LIG3: variants seen among roughly 807,000 people sequenced by gnomAD.
The protein encoded by LIG3 is ligase II, DNA, ATP-dependent.
A neutral mutation model predicts 110.9 loss-of-function variants in LIG3; 58 were observed. The observed-to-expected ratio is 0.52, with a 90% CI of 0.42 to 0.65. LIG3 has a LOEUF of 0.65. Among genes scored for constraint, LIG3 ranks in the 30% least tolerant of loss-of-function variants. The probability of loss-of-function intolerance (pLI) is 0.00; values close to 1 mark genes in which losing one functional copy is unlikely to be tolerated. For missense variants in LIG3, 1,094 were observed against 1,273.8 expected, an observed-to-expected ratio of 0.86 and a Z score of 2.15; for synonymous variants, 422 against 472.8, an observed-to-expected ratio of 0.89 and a Z score of 1.39.
At chr17:34,988,670 C>A (rs1430969608) in intron 3 of LIG3, among the ~76,000 whole-genome samples, 3 of 152,028 alleles carry the variant, frequency 2.0e-5, no homozygotes, top group Admixed American at 6.6e-5. Context: ...TATAACTGCT[C>A]CTTGGGGAGC....
chr17:34,996,428 T>G, intron 10 of LIG3, 146 bp from the exon 11 acceptor site: 1 of 800,460 alleles, frequency 1.2e-6, no homozygotes, highest in Non-Finnish European at 2.0e-6. Flanking sequence ...ATCTGCTCAG[T>G]GCCCTTATGG....
At position 35,005,036 on chromosome 17, in the gene LIG3, AAG is replaced by A. The variant is rs2090884235; in HGVS notation, c.*532_*533del. On this transcript the variant is annotated 3_prime_UTR_variant, in exon 20 of 20. Coordinates refer to ENST00000378526, the MANE Select transcript of LIG3 (RefSeq NM_013975.4). ...TTTGCCAGGAACAAACCTCATGTGA[AAG>A]AAAACAAAATGAATTTTTTTACTTT... 9.8e-6 allele frequency: 3 copies of A among 306,602 alleles called. No individual in the cohort carries two copies. The allele number at this position is 306,602 out of a possible 1,614,324, so 19.0% of individuals were successfully genotyped here. A position where few individuals can be genotyped will look rare whatever the true frequency, so the allele number is the denominator to read the frequency against.
intron 16 of LIG3, among the ~76,000 whole-genome samples, chr17:35,000,803 A>G (rs1230812220): frequency 6.7e-6 from 1 of 149,680 alleles, no homozygotes; most frequent in Non-Finnish European, 1.5e-5. Context: ...TAGTAGAGAT[A>G]GGGTTTTACC....
At position 34,999,390 on chromosome 17, in the gene LIG3, C is replaced by T; in HGVS notation, c.2197C>T (p.His733Tyr). 1.2e-6 allele frequency: 2 copies of T among 1,614,124 alleles called. No individual in the cohort carries two copies. The highest frequency in any genetic ancestry group is 1.1e-5 in the South Asian group (1 of 91,066). Reference sequence around the variant, plus strand: ...CACAGTCACCAAGTGTGCAGGAGGCCATGATGATGCCACGCTTGCCCGCCT... The same window carrying T: ...CACAGTCACCAAGTGTGCAGGAGGCTATGATGATGCCACGCTTGCCCGCCT... ...WCTVTKCAGG[H>Y]DDATLARLQN... The change falls in exon 15 of 20, where the codon CAT becomes TAT. Residue 733 changes from histidine (H) to tyrosine (Y), a missense_variant. By Grantham distance (83) the His-to-Tyr change is moderately conservative. Coordinates refer to ENST00000378526, the MANE Select transcript of LIG3 (RefSeq NM_013975.4).
chr17:34,991,888 T>G (rs764630559), intron 6 of LIG3, 51 bp downstream of exon 6: 1 of 1,613,272 alleles, frequency 6.2e-7, no homozygotes, highest in Non-Finnish European at 8.5e-7. Context: ...TGAACTCTCT[T>G]GGGAAGGGAA....
chr17:34,991,683 G>A lies in LIG3; in HGVS notation c.1054G>A (p.Glu352Lys). ...TTTTTGGAGACAGGGTGACGTGTCAGAGACAATCAGAGTCTTCTTTGAGCA... is the reference window on the plus strand; with the variant it reads ...TTTTTGGAGACAGGGTGACGTGTCAAAGACAATCAGAGTCTTCTTTGAGCA... Reference protein sequence around the residue: ...ARDLEQGDVSETIRVFFEQSK... With the variant: ...ARDLEQGDVSKTIRVFFEQSK... The change falls in exon 6 of 20, where the codon GAG becomes AAG. Residue 352 changes from glutamate (E) to lysine (K), a missense_variant. Transcript: ENST00000378526. 6.2e-7 allele frequency: 1 copy of A among 1,613,926 alleles called. No homozygotes were observed. Among genetic ancestry groups the A allele is most frequent in the Non-Finnish European group, 8.5e-7 (1 of 1,179,996 alleles).
At chr17:34,984,607 G>A (rs189463453) in intron 2 of LIG3, among the ~76,000 whole-genome samples, 1 of 151,142 alleles carries the variant, frequency 6.6e-6, no homozygotes, top group East Asian at 1.9e-4. Context: ...GTAAAACCTG[G>A]ATACTATGTG....
rs578085859 is a variant in LIG3, at chr17:35,004,858, G to T, written c.*352G>T. On this transcript the variant is annotated 3_prime_UTR_variant, in exon 20 of 20. Transcript: ENST00000378526. Reference sequence around the variant, plus strand: ...CAATAATTTCCCTAGAGATTAAGGAGTAAAGGCTGGGCTATGGCAGCTCTG... The same window carrying T: ...CAATAATTTCCCTAGAGATTAAGGATTAAAGGCTGGGCTATGGCAGCTCTG... The T allele has an allele frequency of 3.2e-3, 880 of 272,606 alleles. 26 individuals are homozygous for T. In the South Asian group the frequency reaches 0.039, roughly 12 times the overall value. 16.9% of individuals were successfully genotyped at this position (272,606 alleles called of 1,614,324 possible).
At chr17:34,997,963 C>A in intron 12 of LIG3, 138 bp downstream of exon 12, 1 of 709,432 alleles carries the variant, frequency 1.4e-6, no homozygotes, top group Non-Finnish European at 2.5e-6. Context: ...TTGACTATTG[C>A]ATATGTTGCC....
chr17:34,986,233 T>G, intron 3 of LIG3, 102 bp downstream of exon 3: 2 of 1,153,850 alleles, frequency 1.7e-6, no homozygotes, highest in Non-Finnish European at 2.5e-6. Context: ...CTATCTCATC[T>G]CATTAATAAT....
In LIG3 at chr17:35,005,457, G is replaced by A. The variant is rs772453369; in HGVS notation, c.*951G>A. The stretch of plus-strand genomic sequence containing the variant: ...ACTGGAGGAATAATTATATGATATT[G>A]TTGAACCCCCAAGTATTGGCTGATG... On this transcript the variant is annotated 3_prime_UTR_variant, in exon 20 of 20. Transcript: ENST00000378526. 4 of 560,918 alleles carry A rather than the reference G, an allele frequency of 7.1e-6. No individual in the cohort carries two copies. The highest frequency in any genetic ancestry group is 1.9e-5 in the Admixed American group (1 of 52,480). 34.7% of individuals were successfully genotyped at this position (560,918 alleles called of 1,614,324 possible).
chr17:35,002,933 C>T, intron 19 of LIG3, 144 bp downstream of exon 19: 2 of 1,611,128 alleles, frequency 1.2e-6, no homozygotes, highest in Non-Finnish European at 1.7e-6. Context: ...GCAGCCACTC[C>T]TCTGTCGTGG....
At chr17:34,983,660 G>A (rs1323174704) in intron 2 of LIG3, 108 bp downstream of exon 2, 9 of 1,092,354 alleles carry the variant, frequency 8.2e-6, no homozygotes, top group African/African-American at 8.0e-5. Context: ...TTTTAGAGAT[G>A]GGGTCTCACT....
Position 35,004,697 on chromosome 17 carries a change from T to G in LIG3, c.*191T>G, listed in dbSNP as rs1597806095. 7 of 581,138 alleles carry G rather than the reference T, an allele frequency of 1.2e-5. No individual in the cohort carries two copies. In the East Asian group the frequency reaches 2.0e-4, roughly 16 times the overall value. 36.0% of individuals were successfully genotyped at this position (581,138 alleles called of 1,614,324 possible). A position where few individuals can be genotyped will look rare whatever the true frequency, so the allele number is the denominator to read the frequency against. ...TGCCACAGCTGAAGTCAGTTTGTCT[T>G]GCTGGTTTAAATAGATCTTTCAGAG... On this transcript the variant is annotated 3_prime_UTR_variant, in exon 20 of 20. Transcript: ENST00000378526.
chr17:34,992,388 G>C, intron 7 of LIG3, 136 bp from the exon 8 acceptor site: 1 of 1,020,428 alleles, frequency 9.8e-7, no homozygotes, highest in Non-Finnish European at 1.4e-6. Flanking sequence ...CTCCTCTTGT[G>C]AAAGTCTTTA....
At chr17:34,998,460 T>A in intron 13 of LIG3, 144 bp from the exon 14 acceptor site, 2 of 1,142,328 alleles carry the variant, frequency 1.8e-6, no homozygotes, top group Non-Finnish European at 2.5e-6. Context: ...CTGCTTTGTG[T>A]GTCTCCTATA....
intron 3 of LIG3, among the ~76,000 whole-genome samples, chr17:34,987,489 G>C (rs2090668471): frequency 1.3e-5 from 2 of 152,164 alleles, no homozygotes; most frequent in Non-Finnish European, 2.9e-5. Context: ...AGACATTCTT[G>C]TGATTGACTC....
rs1310144764 is a variant in LIG3 at position 34,999,423 on chromosome 17, G to C, written c.2230G>C (p.Glu744Gln). 3 of 1,613,984 alleles carry C rather than the reference G, an allele frequency of 1.9e-6. No individual in the cohort carries two copies. Among genetic ancestry groups the C allele is most frequent in the East Asian group, 2.2e-5 (1 of 44,894 alleles). ...DDATLARLQN[E>Q]LDMVKISKDP... ...TGCCACGCTTGCCCGCCTGCAGAAT[G>C]AACTAGACATGGTGAAGATCAGCAA... The change falls in exon 15 of 20, where the codon GAA becomes CAA. Residue 744 changes from glutamate (E) to glutamine (Q), a missense_variant. Physicochemically the swap from Glu to Gln is conservative, Grantham distance 29 (BLOSUM62 2). Transcript: ENST00000378526.
At chr17:34,988,054 G>A (rs562940875) in intron 3 of LIG3, among the ~76,000 whole-genome samples, 6 of 151,746 alleles carry the variant, frequency 4.0e-5, no homozygotes, top group African/African-American at 7.3e-5. Context: ...TTAGCCGGGC[G>A]TGGTGGCAGG....
Sources: gnomAD v4.1 joint callset for allele counts (sites outside exome capture counted in the v4.1 genomes callset) on GRCh38, gnomAD v4.1.1 for gene constraint, MANE v1.5 for transcripts, NCBI Gene and HGNC (gene_info 2026-07-23, HGNC 2026-07-21) for gene names.